UTP18: variants seen among roughly 807,000 people sequenced by gnomAD.
UTP18 encodes the protein U3 small nucleolar RNA-associated protein 18 homolog.
A neutral mutation model predicts 61.1 loss-of-function variants in UTP18; 36 were observed. That is an observed-to-expected ratio of 0.59 (90% CI 0.45 to 0.78). The LOEUF (loss-of-function observed/expected upper bound fraction) is 0.78. UTP18 is among the 30% of genes least tolerant of loss of function. The probability of loss-of-function intolerance (pLI) is 0.00; values close to 1 mark genes in which losing one functional copy is unlikely to be tolerated. For synonymous variants in UTP18, 282 were observed against 251.1 expected (o/e 1.12, Z -1.16); for missense variants, 753 against 693.9 (o/e 1.09, Z -0.96).
At chr17:51,287,961 T>A in intron 10 of UTP18, 68 bp from the exon 11 acceptor site, 1 of 1,223,542 alleles carries the variant, frequency 8.2e-7, no homozygotes, top group Non-Finnish European at 1.1e-6. Flanking sequence ...GTTAAATCTA[T>A]ATTCACTTAG....
intron 1 of UTP18, among the ~76,000 whole-genome samples, chr17:51,261,189 G>T (rs901487854): frequency 3.3e-5 from 5 of 152,236 alleles, no homozygotes; most frequent in Admixed American, 1.3e-4. Flanking sequence ...TGCGAACTGT[G>T]GTCGTGAGCA....
At chr17:51,265,220 C>G (rs180876663) in intron 2 of UTP18, among the ~76,000 whole-genome samples, 1 of 150,804 alleles carries the variant, frequency 6.6e-6, no homozygotes, top group East Asian at 1.9e-4. Flanking sequence ...CAGAGAGAGA[C>G]AAATGTTTAT....
rs761324752 is a variant in UTP18 at position 51,266,234 on chromosome 17, G to T, written c.508G>T (p.Glu170Ter). 6.3e-7 allele frequency: 1 copy of T among 1,599,978 alleles called. No individual in the cohort carries two copies. The highest frequency in any genetic ancestry group is 1.8e-5 in the Admixed American group (1 of 56,564). Residue 170 changes from glutamate (E) to a stop codon, truncating the protein, a stop_gained, in exon 3 of 14, where the codon GAA (glutamate) becomes TAA (stop). Coordinates refer to ENST00000225298, the MANE Select transcript of UTP18 (RefSeq NM_016001.3). LOFTEE classifies it high-confidence loss of function. ...GAAGGATATGATGAAAAATGCTAGT[G>T]AAAGTAAACTTTCGAAAGACAACCT... ...FRKDMMKNAS[E>*]SKLSKDNLKK...
intron 9 of UTP18, 71 bp downstream of exon 9, chr17:51,280,550 A>C: frequency 2.7e-6 from 4 of 1,463,972 alleles, no homozygotes; most frequent in Non-Finnish European, 3.8e-6. Flanking sequence ...GCGGTGGCTC[A>C]CGTGTGTAAT....
intron 7 of UTP18, among the ~76,000 whole-genome samples, chr17:51,278,037 G>C (rs1431888388): frequency 6.6e-6 from 1 of 152,174 alleles, no homozygotes; most frequent in Non-Finnish European, 1.5e-5. Flanking sequence ...GAGTAGCTCT[G>C]TACAACCATT....
chr17:51,266,710 A>G (rs2055564978), intron 3 of UTP18, among the ~76,000 whole-genome samples: 1 of 152,198 alleles, frequency 6.6e-6, no homozygotes, highest in South Asian at 2.1e-4. Context: ...TTAATTTGTC[A>G]ATGTGCATCT....
At chr17:51,285,583 CTGTT>C (rs1393799666) in intron 10 of UTP18, among the ~76,000 whole-genome samples, 10 of 152,150 alleles carry the variant, frequency 6.6e-5, no homozygotes, top group Non-Finnish European at 1.5e-4. Flanking sequence ...TGCAGTTTCA[CTGTT>C]TGTGGTTTTA....
intron 8 of UTP18, 73 bp downstream of exon 8, chr17:51,280,178 CAG>C: frequency 2.7e-6 from 4 of 1,468,622 alleles, no homozygotes; most frequent in Non-Finnish European, 1.9e-6. Context: ...CACCTTAACT[CAG>C]TGTGTCCTTA....
chr17:51,262,143 G>A (rs1161755638), intron 1 of UTP18, among the ~76,000 whole-genome samples: 1 of 150,880 alleles, frequency 6.6e-6, no homozygotes, highest in Non-Finnish European at 1.5e-5. Context: ...GTGCAGTGGC[G>A]CCATCTCGGC....
At chr17:51,293,791 C>T in intron 11 of UTP18, 112 bp from the exon 12 acceptor site, 2 of 944,448 alleles carry the variant, frequency 2.1e-6, no homozygotes, top group Admixed American at 6.5e-5. Flanking sequence ...TTCTTGTGTG[C>T]TACAATCAAA....
rs199652773 is a variant in UTP18, at chr17:51,273,315, C to T, written c.623-47C>T. The T allele has an allele frequency of 6.6e-5, 95 of 1,449,034 alleles. No individual in the cohort carries two copies. The African/African-American group carries it at 1.2e-3, about 18-fold the overall frequency. The allele number at this position is 1,449,034 out of a possible 1,614,324, so 89.8% of individuals were successfully genotyped here. A position where few individuals can be genotyped will look rare whatever the true frequency, so the allele number is the denominator to read the frequency against. On this transcript the variant is annotated intron_variant, in intron 4 of 13. Transcript: ENST00000225298. ...AGAAGTTTGGGGTAGGTAAAAGGGG[C>T]AGCTCATTGATTCTAAAGATCAGCC...
chr17:51,277,193 G>C lies in UTP18; in HGVS notation c.901G>C (p.Ala301Pro), dbSNP rs754613905. The change falls in exon 7 of 14, where the codon GCT (alanine) becomes CCT (proline). Residue 301 changes from alanine (A) to proline (P), a missense_variant. Ala to Pro is a conservative substitution (Grantham distance 27, BLOSUM62 -1). Transcript: ENST00000225298. Reference sequence around the variant, plus strand: ...TTTGGAAAGGTTTCCAATCTTTAAGGCTTGTTTTAGTGCTAATGGGGAAGA... The same window carrying C: ...TTTGGAAAGGTTTCCAATCTTTAAGCCTTGTTTTAGTGCTAATGGGGAAGA... ...IYLERFPIFKACFSANGEEVL... is the reference protein window; with the variant it reads ...IYLERFPIFKPCFSANGEEVL... 1.9e-6 allele frequency: 3 copies of C among 1,614,082 alleles called. No individual in the cohort carries two copies. The highest frequency in any genetic ancestry group is 2.5e-6 in the Non-Finnish European group (3 of 1,179,998).
At chr17:51,263,536 T>G (rs980391384) in intron 2 of UTP18, 150 bp downstream of exon 2, 2 of 654,996 alleles carry the variant, frequency 3.1e-6, no homozygotes, top group Non-Finnish European at 5.1e-6. Flanking sequence ...TGGTTCCTGA[T>G]CCCACCACCG....
intron 9 of UTP18, among the ~76,000 whole-genome samples, chr17:51,281,162 A>ATTT (rs112607605): frequency 8.0e-5 from 8 of 100,098 alleles, no homozygotes; most frequent in African/African-American, 2.4e-4. Context: ...ATATATATAT[A>ATTT]TATTTTTTTT....
chr17:51,260,656 A>G lies in UTP18; in HGVS notation c.72A>G (p.Gly24=). 6.2e-7 allele frequency: 1 copy of G among 1,612,290 alleles called. No individual in the cohort carries two copies. The highest frequency in any genetic ancestry group is 8.5e-7 in the Non-Finnish European group (1 of 1,179,610). ...GAGCGAAGCCGAAGCGGAAGCCCGG[A>G]ATGAGGCCGGACTGGAAAGCCGGAG... ...RTGAKPKRKP[G]MRPDWKAGAG... The change falls in exon 1 of 14, where the codon GGA becomes GGG. Residue 24 remains glycine (G), a synonymous_variant. Coordinates refer to ENST00000225298, the MANE Select transcript of UTP18 (RefSeq NM_016001.3).
chr17:51,271,969 A>AT (rs1224058331), intron 4 of UTP18, among the ~76,000 whole-genome samples: 1 of 151,442 alleles, frequency 6.6e-6, no homozygotes, highest in Non-Finnish European at 1.5e-5. Context: ...TGCCTGGCCT[A>AT]TTGGGGGCTT....
intron 2 of UTP18, among the ~76,000 whole-genome samples, chr17:51,265,562 CTTTT>C (rs10695281): frequency 2.3e-5 from 2 of 85,564 alleles, no homozygotes; most frequent in African/African-American, 9.9e-5. Flanking sequence ...CGTGCCCGGC[CTTTT>C]TTTTTTTTTT....
chr17:51,282,485 G>GA (rs1285207742), intron 9 of UTP18, among the ~76,000 whole-genome samples: 4 of 143,638 alleles, frequency 2.8e-5, no homozygotes, highest in Non-Finnish European at 6.0e-5. Context: ...GGAAGGAAGG[G>GA]AGGGAGGGAA....
chr17:51,268,217 G>A (rs1214661092), intron 3 of UTP18, among the ~76,000 whole-genome samples: 1 of 151,996 alleles, frequency 6.6e-6, no homozygotes, highest in Non-Finnish European at 1.5e-5. Context: ...TAGTAGAGAC[G>A]GGGTTTCACC....
Sources: allele counts gnomAD v4.1 joint callset (sites outside exome capture counted in the v4.1 genomes callset), GRCh38; gene constraint gnomAD v4.1.1; transcripts MANE v1.5; gene names NCBI Gene and HGNC (gene_info 2026-07-23, HGNC 2026-07-21).